The following TENM3 variants were observed in gnomAD, a reference collection of about 807,000 sequenced individuals.
TENM3 encodes teneurin transmembrane protein 3.
In TENM3, 63 loss-of-function variants were observed where a neutral mutation model predicts 255.1. The observed-to-expected ratio is 0.25, with a 90% confidence interval of 0.20 to 0.30. The LOEUF (loss-of-function observed/expected upper bound fraction) is 0.30, where lower values mean the gene tolerates loss of function less well. TENM3 is among the 10% of genes least tolerant of loss of function. The pLI is 1.00. For synonymous variants in TENM3, 1,306 were observed against 1,322.3 expected, an observed-to-expected ratio of 0.99 and a Z score of 0.27; for missense variants, 2,929 against 3,461.1, an observed-to-expected ratio of 0.85 and a Z score of 3.86.
At chr4:182,388,823 C>T (rs909879788) in intron 3 of TENM3, among the ~76,000 whole-genome samples, 5 of 152,172 alleles carry the variant, frequency 3.3e-5, no homozygotes, top group African/African-American at 9.7e-5. Flanking sequence ...ACACCAGAAT[C>T]ATTTTGAAAA....
chr4:182,489,176 C>A (rs913029153), intron 3 of TENM3, among the ~76,000 whole-genome samples: 1 of 152,076 alleles, frequency 6.6e-6, no homozygotes, highest in Non-Finnish European at 1.5e-5. Flanking sequence ...AACATATTCA[C>A]TTTTGGAGCC....
the TENM3 span, among the ~76,000 whole-genome samples, chr4:182,022,573 G>A: frequency 1.5e-4 from 22 of 150,616 alleles, no homozygotes; most frequent in South Asian, 6.3e-4. Flanking sequence ...GACATTTACT[G>A]TCTTGGTAAA....
the TENM3 span, among the ~76,000 whole-genome samples, chr4:182,037,945 C>T: frequency 7.9e-5 from 12 of 152,326 alleles, no homozygotes; most frequent in East Asian, 2.1e-3. Context: ...CATCCTCCCA[C>T]GTTAGCCTCC....
chr4:182,662,937 C>T (rs1435435502), intron 6 of TENM3, among the ~76,000 whole-genome samples: 4 of 152,154 alleles, frequency 2.6e-5, no homozygotes, highest in Non-Finnish European at 5.9e-5. Context: ...AAAGACAAAG[C>T]CCCTTCACGA....
At chr4:182,663,732 C>T (rs10020117) in intron 6 of TENM3, among the ~76,000 whole-genome samples, 29,877 of 152,038 alleles carry the variant, frequency 0.2, 3,258 homozygotes, top group African/African-American at 0.29. Context: ...ATTTGACATT[C>T]TTGTTAGTCA....
intron 1 of TENM3, among the ~76,000 whole-genome samples, chr4:182,290,612 C>T (rs1242925996): frequency 6.7e-6 from 1 of 150,004 alleles, no homozygotes; most frequent in Non-Finnish European, 1.5e-5. Flanking sequence ...AAGACATCCT[C>T]CTGCCTCAGC....
the TENM3 span, among the ~76,000 whole-genome samples, chr4:181,476,206 G>GT: frequency 4.3e-3 from 494 of 115,366 alleles, 5 homozygotes; most frequent in African/African-American, 0.013. Flanking sequence ...CATTTTAGGG[G>GT]TTTTTTTTTT....
At chr4:182,595,653 A>G (rs1747137583) in intron 3 of TENM3, among the ~76,000 whole-genome samples, 1 of 152,222 alleles carries the variant, frequency 6.6e-6, no homozygotes, top group African/African-American at 2.4e-5. Context: ...GTGGAAAGAA[A>G]GAGTAAATTT....
At chr4:182,412,883 A>G (rs1218512305) in intron 3 of TENM3, among the ~76,000 whole-genome samples, 1 of 151,708 alleles carries the variant, frequency 6.6e-6, no homozygotes, top group Non-Finnish European at 1.5e-5. Flanking sequence ...AAAAAAGAAT[A>G]AGAAATTATG....
the TENM3 span, among the ~76,000 whole-genome samples, chr4:182,000,588 A>G: frequency 6.6e-6 from 1 of 152,112 alleles, no homozygotes; most frequent in Non-Finnish European, 1.5e-5. Context: ...TTTATTATGA[A>G]CCCACAATAT....
At chr4:182,761,697 A>G (rs1561214002) in intron 22 of TENM3, among the ~76,000 whole-genome samples, 2 of 152,214 alleles carry the variant, frequency 1.3e-5, no homozygotes, top group Non-Finnish European at 2.9e-5. Flanking sequence ...TCTTCATGAA[A>G]GAAAACATTT....
chr4:181,964,489 T>C, the TENM3 span, among the ~76,000 whole-genome samples: 1 of 152,046 alleles, frequency 6.6e-6, no homozygotes, highest in Non-Finnish European at 1.5e-5. Context: ...CCTGTGTCTG[T>C]GTAGTACAGT....
intron 3 of TENM3, among the ~76,000 whole-genome samples, chr4:182,509,597 C>T (rs1482981924): frequency 1.3e-5 from 2 of 151,990 alleles, no homozygotes; most frequent in African/African-American, 2.4e-5. Context: ...GAACAAATGC[C>T]GTGTCTAAGA....
chr4:182,577,689 G>A (rs1272238016), intron 3 of TENM3, among the ~76,000 whole-genome samples: 1 of 152,174 alleles, frequency 6.6e-6, no homozygotes, highest in Admixed American at 6.5e-5. Context: ...GAATCTGGAA[G>A]AAAAATAAAT....
At chr4:182,100,560 TAC>T in the TENM3 span, among the ~76,000 whole-genome samples, 4,199 of 107,226 alleles carry the variant, frequency 0.039, 351 homozygotes, top group African/African-American at 0.14. Flanking sequence ...CACATATATA[TAC>T]ACACATATAT....
At chr4:182,236,222 A>T (rs1239808883) in intron 1 of TENM3, among the ~76,000 whole-genome samples, 1 of 152,212 alleles carries the variant, frequency 6.6e-6, no homozygotes, top group African/African-American at 2.4e-5. Context: ...ATATATAATT[A>T]TCCTGAGCTT....
chr4:182,587,444 A>G (rs1029952298), intron 3 of TENM3, among the ~76,000 whole-genome samples: 3 of 152,100 alleles, frequency 2.0e-5, no homozygotes, highest in Non-Finnish European at 4.4e-5. Flanking sequence ...TTTTTGTACT[A>G]AAAATACAAA....
At chr4:182,009,622 G>C in the TENM3 span, among the ~76,000 whole-genome samples, 1 of 152,168 alleles carries the variant, frequency 6.6e-6, no homozygotes, top group Non-Finnish European at 1.5e-5. Context: ...AATGGGTGCT[G>C]CCCTTCCCCT....
chr4:181,953,930 CTCAG>C, the TENM3 span, among the ~76,000 whole-genome samples: 2 of 152,142 alleles, frequency 1.3e-5, no homozygotes, highest in Non-Finnish European at 2.9e-5. Flanking sequence ...TGTGACCCTT[CTCAG>C]TCAGTCCTAC....
Sources: allele counts gnomAD v4.1 joint callset (sites outside exome capture counted in the v4.1 genomes callset), GRCh38; gene constraint gnomAD v4.1.1; transcripts MANE v1.5; gene names NCBI Gene and HGNC (gene_info 2026-07-23, HGNC 2026-07-21).